CC2D2A: variants seen among roughly 807,000 people sequenced by gnomAD.
CC2D2A encodes the protein coiled-coil and C2 domain containing 2A.
In CC2D2A, 155 loss-of-function variants were observed where a neutral mutation model predicts 212.9. That is an observed-to-expected ratio of 0.73 (90% CI 0.64 to 0.83). The LOEUF (loss-of-function observed/expected upper bound fraction) is 0.83, where lower values mean the gene tolerates loss of function less well. Among genes scored for constraint, CC2D2A ranks in the 40% least tolerant of loss-of-function variants. CC2D2A has a pLI of 0.00. For synonymous variants in CC2D2A, 667 were observed against 686.5 expected, an observed-to-expected ratio of 0.97 and a Z score of 0.44; for missense variants, 1,856 against 1,956.2, an observed-to-expected ratio of 0.95 and a Z score of 0.97.
At chr4:15,571,688 TC>T (rs1720176169) in intron 28 of CC2D2A, among the ~76,000 whole-genome samples, 1 of 152,108 alleles carries the variant, frequency 6.6e-6, no homozygotes, top group Admixed American at 6.6e-5. Context: ...AATGCAATCT[TC>T]CCTAGGCAAA....
chr4:15,528,627 C>A lies in CC2D2A; in HGVS notation c.1367C>A (p.Ala456Asp). 6.2e-7 allele frequency: 1 copy of A among 1,613,684 alleles called. No individual in the cohort carries two copies. Among genetic ancestry groups the A allele is most frequent in the Non-Finnish European group, 8.5e-7 (1 of 1,179,666 alleles). ...TATCCATGTCGTTTTAAGCTCCAAG[C>A]TTTAAGAAATGCTGTTCAGACTGGC... ...KAKFLTDKLQALRNAVQTGLD... is the reference protein window; with the variant it reads ...KAKFLTDKLQDLRNAVQTGLD... Residue 456 changes from alanine (A) to aspartate (D), a missense_variant, in exon 13 of 37, where the codon GCT becomes GAT. Ala to Asp is a moderately radical substitution (Grantham distance 126). This residue lies in a region of CC2D2A where 1,512 missense variants were observed against 1,579.3 expected (regional missense o/e 0.96). Coordinates refer to ENST00000424120, the MANE Select transcript of CC2D2A (RefSeq NM_001378615.1).
chr4:15,560,712 A>T, intron 23 of CC2D2A, 90 bp downstream of exon 23: 1 of 624,152 alleles, frequency 1.6e-6, no homozygotes, highest in East Asian at 3.3e-5. Context: ...AGATTTTTAA[A>T]AATCATCGTA....
chr4:15,547,505 T>G (rs1718772500), intron 17 of CC2D2A, among the ~76,000 whole-genome samples: 1 of 152,130 alleles, frequency 6.6e-6, no homozygotes, highest in South Asian at 2.1e-4. Flanking sequence ...TTCTACTCTT[T>G]TCTTACATAA....
chr4:15,595,565 C>T (rs1721282894), intron 33 of CC2D2A, among the ~76,000 whole-genome samples: 1 of 152,180 alleles, frequency 6.6e-6, no homozygotes, highest in South Asian at 2.1e-4. Context: ...CCGAGGCATA[C>T]AGAAGTTACA....
rs923510494 is a variant in CC2D2A at position 15,576,351 on chromosome 4, C to T, written c.3771+2025C>T. ...GGGTCAACAACCTGGAATTGTTTTT[C>T]CACTTACAGCAATACTTCCTGGATT... On this transcript the variant is annotated intron_variant, in intron 29 of 36. Coordinates refer to ENST00000424120, the MANE Select transcript of CC2D2A (RefSeq NM_001378615.1). 7.1e-6 allele frequency: 7 copies of T among 983,326 alleles called. No individual in the cohort carries two copies. In the African/African-American group the frequency reaches 1.2e-4, roughly 17 times the overall value. The allele number at this position is 983,326 out of a possible 1,614,324, so 60.9% of individuals were successfully genotyped here. A position where few individuals can be genotyped will look rare whatever the true frequency, so the allele number is the denominator to read the frequency against.
At chr4:15,597,508 A>T (rs951727696) in intron 35 of CC2D2A, 43 bp downstream of exon 35, 2 of 1,450,848 alleles carry the variant, frequency 1.4e-6, no homozygotes, top group Non-Finnish European at 9.5e-7. Context: ...TGTCACTAGG[A>T]GTATAATACC....
chr4:15,581,945 T>C (rs2067570014), intron 30 of CC2D2A, among the ~76,000 whole-genome samples: 1 of 151,982 alleles, frequency 6.6e-6, no homozygotes, highest in South Asian at 2.1e-4. Flanking sequence ...AATGAAGAAG[T>C]AAATCACCAT....
At chr4:15,510,263 A>T (rs1346914308) in intron 7 of CC2D2A, 23 bp downstream of exon 7, 1 of 1,589,624 alleles carries the variant, frequency 6.3e-7, no homozygotes, top group East Asian at 2.2e-5. Flanking sequence ...GTTTTTTAAA[A>T]TCATTTGTTT....
In CC2D2A at chr4:15,550,824, G is replaced by A; in HGVS notation, c.2182G>A (p.Val728Ile). 1.3e-6 allele frequency: 2 copies of A among 1,556,364 alleles called. No homozygotes were observed. The highest frequency in any genetic ancestry group is 1.8e-6 in the Non-Finnish European group (2 of 1,138,678). ...GCTATTTCTCTTCTCTGGTTTTCAG[G>A]TCTATGAAACTGTCGGACACAGTAG... ...VNWPESLTLQ[V>I]YETVGHSSPT... Residue 728 changes from valine (V) to isoleucine (I), a missense_variant and splice_region_variant, in exon 18 of 37, where the codon GTC becomes ATC. Coordinates refer to ENST00000424120, the MANE Select transcript of CC2D2A (RefSeq NM_001378615.1).
intron 4 of CC2D2A, among the ~76,000 whole-genome samples, chr4:15,500,097 G>GTATACATATATATATA (rs1487111003): frequency 1.9e-5 from 1 of 53,022 alleles, no homozygotes; most frequent in African/African-American, 5.6e-5. Context: ...GTGTGTGTGT[G>GTATACATATATATATA]TGTGTGTGTG....
At position 15,560,542 on chromosome 4, in the gene CC2D2A, A is replaced by G; in HGVS notation, c.2934A>G (p.Ser978=). 6.7e-7 allele frequency: 1 copy of G among 1,496,742 alleles called. No individual in the cohort carries two copies. The highest frequency in any genetic ancestry group is 9.2e-7 in the Non-Finnish European group (1 of 1,084,410). 92.7% of individuals were successfully genotyped at this position (1,496,742 alleles called of 1,614,324 possible). The change falls in exon 23 of 37, where the codon TCA becomes TCG. Residue 978 remains serine, a synonymous_variant. Transcript: ENST00000424120. ...ATTTCTTTCCCCAGGTTAGAGAATC[A>G]GTGATAAATCGTTTCTTAATTGCAA... ...VAKYLQQVRE[S]VINRFLIAKQ... is the part of the protein sequence containing the mutation.
At chr4:15,590,336 G>A (rs912851536) in intron 33 of CC2D2A, among the ~76,000 whole-genome samples, 14 of 152,184 alleles carry the variant, frequency 9.2e-5, no homozygotes, top group African/African-American at 1.9e-4. Context: ...CCAACATGGC[G>A]AAACCCCGTC....
At chr4:15,521,906 T>C (rs972702031) in intron 11 of CC2D2A, among the ~76,000 whole-genome samples, 1 of 152,160 alleles carries the variant, frequency 6.6e-6, no homozygotes, top group Non-Finnish European at 1.5e-5. Context: ...AAATCAAAAG[T>C]TGGCAATTAC....
intron 36 of CC2D2A, 121 bp from the exon 37 acceptor site, chr4:15,601,116 G>C: frequency 1.2e-6 from 1 of 819,938 alleles, no homozygotes; most frequent in Non-Finnish European, 1.9e-6. Flanking sequence ...AAGCTGAGTA[G>C]AAAAACACAA....
At chr4:15,586,685 A>G (rs548918712) in intron 31 of CC2D2A, among the ~76,000 whole-genome samples, 1 of 152,304 alleles carries the variant, frequency 6.6e-6, no homozygotes, top group African/African-American at 2.4e-5. Context: ...AATTCTGGCT[A>G]TAAATGAAAT....
intron 4 of CC2D2A, among the ~76,000 whole-genome samples, chr4:15,485,317 T>G (rs1477148196): frequency 1.3e-5 from 2 of 152,260 alleles, no homozygotes; most frequent in African/African-American, 4.8e-5. Flanking sequence ...TTTCATTCTT[T>G]TTTATGGCTG....
chr4:15,541,157 C>CAAA, intron 17 of CC2D2A, 143 bp downstream of exon 17: 5 of 436,252 alleles, frequency 1.1e-5, no homozygotes, highest in Admixed American at 4.3e-5. Flanking sequence ...ACTGTAAATA[C>CAAA]AAAAAAAAAA....
At chr4:15,478,829 G>A (rs1034116587) in intron 3 of CC2D2A, 23 bp downstream of exon 3, 1 of 1,523,834 alleles carries the variant, frequency 6.6e-7, no homozygotes. Context: ...AAGAAACTGT[G>A]TCTGCGTATT....
Position 15,475,977 on chromosome 4 carries a change from T to C in CC2D2A, c.39+6T>C. On this transcript the variant is annotated splice_donor_region_variant and intron_variant, in intron 2 of 36. Transcript: ENST00000424120. ...AAGTAAAAATAATTACAGAGGTAAG[T>C]GGCCACTTTGATGTCCTCTAGGGAT... is the stretch of plus-strand genomic sequence containing the variant. The C allele has an allele frequency of 6.3e-7, 1 of 1,587,748 alleles. No homozygotes were observed. The highest frequency in any genetic ancestry group is 1.2e-5 in the South Asian group (1 of 86,730).
Sources: allele counts gnomAD v4.1 joint callset (sites outside exome capture counted in the v4.1 genomes callset), GRCh38; gene constraint gnomAD v4.1.1; regional missense constraint gnomAD v4.1.1; transcripts MANE v1.5; gene names NCBI Gene and HGNC (gene_info 2026-07-23, HGNC 2026-07-21).